The following NEBL variants were observed in gnomAD, a reference collection of about 807,000 sequenced individuals.
NEBL encodes nebulette.
Under a neutral mutation model 140.2 loss-of-function variants are expected in NEBL, and 122 were observed. The observed-to-expected ratio is 0.87, with a 90% CI of 0.75 to 1.01. The LOEUF is 1.01. Ranked by LOEUF, NEBL falls within the 50% of genes least tolerant of loss-of-function variation. The probability of loss-of-function intolerance (pLI) is 0.00; values close to 1 mark genes in which losing one functional copy is unlikely to be tolerated. For missense variants in NEBL, 1,365 were observed against 1,231.3 expected (o/e 1.11, Z -1.62); for synonymous variants, 436 against 398.9 (o/e 1.09, Z -1.11).
chr10:20,922,770 T>C (rs186454254), intron 4 of NEBL, among the ~76,000 whole-genome samples: 4 of 152,144 alleles, frequency 2.6e-5, no homozygotes, highest in African/African-American at 9.7e-5. Flanking sequence ...AGCCATCCCA[T>C]CCCTTCCGTT....
chr10:21,239,386 AGCT>A (rs1428572319), intron 3 of NEBL, among the ~76,000 whole-genome samples: 11 of 152,082 alleles, frequency 7.2e-5, no homozygotes, highest in Admixed American at 2.0e-4. Context: ...GGATCTAGTC[AGCT>A]GCTGCTGACT....
chr10:21,105,901 T>C (rs1837695192), intron 2 of NEBL, among the ~76,000 whole-genome samples: 1 of 152,326 alleles, frequency 6.6e-6, no homozygotes, highest in African/African-American at 2.4e-5. Flanking sequence ...AGATGGTACC[T>C]CATTGTGGTT....
chr10:20,820,657 C>G (rs1839219661), intron 19 of NEBL, among the ~76,000 whole-genome samples: 3 of 152,092 alleles, frequency 2.0e-5, no homozygotes, highest in African/African-American at 7.2e-5. Context: ...GAAACCTCAT[C>G]TCTACTAAAT....
intron 2 of NEBL, among the ~76,000 whole-genome samples, chr10:21,040,573 C>T (rs531275091): frequency 3.9e-5 from 6 of 152,294 alleles, no homozygotes; most frequent in African/African-American, 1.4e-4. Context: ...AGAACTCACT[C>T]ATTACCATGG....
chr10:21,181,355 A>C (rs990322784), intron 3 of NEBL, among the ~76,000 whole-genome samples: 2 of 151,988 alleles, frequency 1.3e-5, no homozygotes, highest in Non-Finnish European at 2.9e-5. Flanking sequence ...AAATAAACAG[A>C]GATGAAAAAA....
chr10:20,824,719 T>C (rs961444164), intron 18 of NEBL, among the ~76,000 whole-genome samples: 2 of 152,166 alleles, frequency 1.3e-5, no homozygotes, highest in African/African-American at 4.8e-5. Context: ...AGAAATGATA[T>C]ACTGTAATAC....
chr10:20,992,241 T>C (rs1837485285), intron 3 of NEBL, among the ~76,000 whole-genome samples: 1 of 152,250 alleles, frequency 6.6e-6, no homozygotes, highest in Non-Finnish European at 1.5e-5. Flanking sequence ...TTATGTTTTA[T>C]GACTATCTAG....
intron 11 of NEBL, 154 bp from the exon 12 acceptor site, chr10:20,845,522 T>A: frequency 1.7e-6 from 1 of 586,516 alleles, no homozygotes; most frequent in Non-Finnish European, 3.0e-6. Context: ...AGTTCAACTT[T>A]GTCATAAATT....
At chr10:20,960,031 G>A (rs1014208195) in intron 4 of NEBL, among the ~76,000 whole-genome samples, 3 of 151,976 alleles carry the variant, frequency 2.0e-5, no homozygotes, top group Non-Finnish European at 4.4e-5. Context: ...AAAATGATCA[G>A]TATTTTTTAA....
chr10:21,028,254 A>AAGAAGAAGAAG (rs1554819370), intron 2 of NEBL, among the ~76,000 whole-genome samples: 6 of 70,346 alleles, frequency 8.5e-5, no homozygotes, highest in Non-Finnish European at 1.3e-4. Flanking sequence ...AAAAAAAAAA[A>AAGAAGAAGAAG]AAGAAGAAGA....
chr10:21,224,970 T>G (rs191138120), intron 3 of NEBL, among the ~76,000 whole-genome samples: 90 of 152,318 alleles, frequency 5.9e-4, no homozygotes, highest in Non-Finnish European at 1.1e-3. Flanking sequence ...TACTCCTTCC[T>G]TTCCAATTTT....
intron 2 of NEBL, among the ~76,000 whole-genome samples, chr10:21,033,709 C>T (rs1433258393): frequency 1.4e-5 from 2 of 146,992 alleles, no homozygotes; most frequent in Admixed American, 1.4e-4. Flanking sequence ...CACTGCACTC[C>T]AGCCTGGCAA....
upstream of NEBL, among the ~76,000 whole-genome samples, chr10:20,901,145 C>A (rs1847854535): frequency 6.6e-6 from 1 of 152,196 alleles, no homozygotes; most frequent in South Asian, 2.1e-4. Context: ...TCTTCTCATT[C>A]TCTGTGCCAT....
At chr10:21,140,575 T>A (rs1839583068) in intron 2 of NEBL, among the ~76,000 whole-genome samples, 1 of 152,226 alleles carries the variant, frequency 6.6e-6, no homozygotes, top group Non-Finnish European at 1.5e-5. Context: ...CAAACACCCA[T>A]AAATGATTTG....
intron 4 of NEBL, among the ~76,000 whole-genome samples, chr10:20,886,726 G>C (rs1846555181): frequency 1.3e-5 from 2 of 152,182 alleles, no homozygotes; most frequent in South Asian, 4.1e-4. Context: ...CAGTGCTTCG[G>C]TCTCCACAAC....
chr10:21,275,794 C>G (rs1842914325), intron 1 of NEBL, among the ~76,000 whole-genome samples: 2 of 150,378 alleles, frequency 1.3e-5, no homozygotes, highest in African/African-American at 4.9e-5. Context: ...GCAAGTGCCA[C>G]CACACCCAGC....
rs1349712784 is a variant in NEBL at position 20,826,472 on chromosome 10, T to C, written c.1844A>G (p.Lys615Arg). 6.2e-7 allele frequency: 1 copy of C among 1,612,794 alleles called. No homozygotes were observed. The highest frequency in any genetic ancestry group is 8.5e-7 in the Non-Finnish European group (1 of 1,179,046). ...VKDSPEIERV[K>R]KNQQNISSVK... ...TGAACTAATATTCTGCTGATTTTTC[T>C]TCACTCGTTCGATCTCTGGGCTATC... The change falls in exon 18 of 28, where the codon AAG (lysine) becomes AGG (arginine). Residue 615 changes from lysine to arginine, a missense_variant. By Grantham distance (26) the Lys-to-Arg change is conservative (BLOSUM62 2). Transcript: ENST00000377122.
chr10:21,056,902 T>C (rs186882557), intron 2 of NEBL, among the ~76,000 whole-genome samples: 5 of 152,290 alleles, frequency 3.3e-5, no homozygotes, highest in Admixed American at 3.3e-4. Flanking sequence ...GTACAGCTAA[T>C]CCCTTTCTTA....
chr10:21,128,345 G>A lies in NEBL; in HGVS notation c.164+44038C>T, dbSNP rs79170499. On this transcript the variant is annotated intron_variant, in intron 2 of 6. Transcript: ENST00000417816. The stretch of plus-strand genomic sequence containing the variant: ...ATTACAGTGAGGTTTTCTGCACTGG[G>A]TGAGTTAACCTAAATGTAAAAAAGG... 4.7e-3 allele frequency among the ~76,000 whole-genome samples: 710 copies of A among 152,104 alleles called. 19 individuals carry two copies. In the East Asian group the frequency reaches 0.083, roughly 18 times the overall value.
Sources: allele counts gnomAD v4.1 joint callset (sites outside exome capture counted in the v4.1 genomes callset), GRCh38; gene constraint gnomAD v4.1.1; transcripts MANE v1.5; gene names NCBI Gene and HGNC (gene_info 2026-07-23, HGNC 2026-07-21).